Variants in CNTNAP2 observed in about 807,000 individuals in gnomAD.
CNTNAP2 encodes the protein contactin-associated protein-like 2.
A neutral mutation model predicts 155.2 loss-of-function variants in CNTNAP2; 98 were observed. The ratio of observed to expected loss-of-function variants is 0.63; its 90% CI spans 0.54 to 0.75. The LOEUF is 0.75. Among genes scored for constraint, CNTNAP2 ranks in the 30% least tolerant of loss-of-function variants. CNTNAP2 has a pLI of 0.00. For missense variants in CNTNAP2, 1,727 were observed against 1,688.1 expected (o/e 1.02, Z -0.40); for synonymous variants, 651 against 631.2 (o/e 1.03, Z -0.47).
chr7:147,127,171 C>G (rs1280652134), intron 6 of CNTNAP2, among the ~76,000 whole-genome samples: 1 of 152,078 alleles, frequency 6.6e-6, no homozygotes, highest in Non-Finnish European at 1.5e-5. Context: ...TAGGTAGTAC[C>G]TAATATGTTC....
chr7:146,142,407 C>G (rs1797894021), intron 1 of CNTNAP2, among the ~76,000 whole-genome samples: 2 of 152,130 alleles, frequency 1.3e-5, no homozygotes, highest in Non-Finnish European at 2.9e-5. Context: ...ACTTTATACA[C>G]AGGCATGATG....
At chr7:146,909,114 A>C (rs1230455984) in intron 3 of CNTNAP2, among the ~76,000 whole-genome samples, 1 of 152,190 alleles carries the variant, frequency 6.6e-6, no homozygotes, top group Non-Finnish European at 1.5e-5. Context: ...AAGAAGTTGA[A>C]TCTCTGAATA....
intron 3 of CNTNAP2, among the ~76,000 whole-genome samples, chr7:146,854,954 T>A (rs1794947963): frequency 6.6e-6 from 1 of 152,178 alleles, no homozygotes; most frequent in Non-Finnish European, 1.5e-5. Context: ...TTGCCATCTA[T>A]GTATAATTGA....
intron 15 of CNTNAP2, among the ~76,000 whole-genome samples, chr7:148,069,999 A>ATT (rs1803351171): frequency 6.6e-6 from 1 of 152,236 alleles, no homozygotes; most frequent in Non-Finnish European, 1.5e-5. Flanking sequence ...AGCTATTATC[A>ATT]TCTCCAGTTT....
intron 1 of CNTNAP2, among the ~76,000 whole-genome samples, chr7:146,618,819 C>G (rs780056497): frequency 8.6e-5 from 13 of 152,028 alleles, no homozygotes; most frequent in Non-Finnish European, 1.9e-4. Flanking sequence ...CCTGTAATCC[C>G]AGCACTTTGG....
intron 1 of CNTNAP2, among the ~76,000 whole-genome samples, chr7:146,769,358 T>A (rs1802253742): frequency 6.6e-6 from 1 of 152,230 alleles, no homozygotes; most frequent in South Asian, 2.1e-4. Context: ...TAGTATTTAA[T>A]GTCTGCAGGA....
chr7:148,181,288 T>G (rs538189669), intron 18 of CNTNAP2, among the ~76,000 whole-genome samples: 1 of 152,312 alleles, frequency 6.6e-6, no homozygotes, highest in Admixed American at 6.5e-5. Flanking sequence ...CTGTTGATTA[T>G]GTCCCTCTAG....
In CNTNAP2 at chr7:147,525,123, C is replaced by A. The variant is rs138682317; in HGVS notation, c.1778-37015C>A. Among the ~76,000 whole-genome samples, 436 of 152,258 alleles carry A rather than the reference C, an allele frequency of 2.9e-3. 1 individual carries two copies. Among genetic ancestry groups the A allele is most frequent in the African/African-American group, 9.7e-3 (401 of 41,534 alleles). On this transcript the variant is annotated intron_variant, in intron 11 of 23. Coordinates refer to ENST00000361727, the MANE Select transcript of CNTNAP2 (RefSeq NM_014141.6). ...CAGAATATCTCAAGAGACAATCTAG[C>A]CTTATTCTTAATTTTTGCTTAACAT...
At chr7:146,389,116 T>C (rs1795503188) in intron 1 of CNTNAP2, among the ~76,000 whole-genome samples, 1 of 152,150 alleles carries the variant, frequency 6.6e-6, no homozygotes, top group African/African-American at 2.4e-5. Context: ...AGTGTCTTTG[T>C]CACGTGATTA....
At chr7:147,421,140 C>A (rs1797284617) in intron 10 of CNTNAP2, among the ~76,000 whole-genome samples, 1 of 152,102 alleles carries the variant, frequency 6.6e-6, no homozygotes, top group Admixed American at 6.6e-5. Context: ...CTATTACTGT[C>A]TCATTGTTAT....
At chr7:146,558,478 A>C (rs1477976960) in intron 1 of CNTNAP2, among the ~76,000 whole-genome samples, 3 of 152,124 alleles carry the variant, frequency 2.0e-5, no homozygotes, top group Non-Finnish European at 4.4e-5. Flanking sequence ...TATCCAACTC[A>C]ACAAAGTTGG....
chr7:146,219,084 G>A (rs981625422), intron 1 of CNTNAP2, among the ~76,000 whole-genome samples: 2 of 152,134 alleles, frequency 1.3e-5, no homozygotes, highest in Admixed American at 6.5e-5. Context: ...GACCTTCTTC[G>A]CAGGGTGACA....
intron 1 of CNTNAP2, among the ~76,000 whole-genome samples, chr7:146,721,645 A>ATATACATTCTATATATATTCTC (rs1801322658): frequency 8.4e-6 from 1 of 119,166 alleles, no homozygotes; most frequent in African/African-American, 4.0e-5. Context: ...TATATATTCT[A>ATATACATTCTATATATATTCTC]TATATATTCT....
At chr7:148,112,124 G>A (rs1166232696) in intron 15 of CNTNAP2, among the ~76,000 whole-genome samples, 1 of 152,204 alleles carries the variant, frequency 6.6e-6, no homozygotes, top group Non-Finnish European at 1.5e-5. Context: ...ATGGCCTGAT[G>A]TGTGCAATGT....
chr7:146,241,686 T>C (rs1799565199), intron 1 of CNTNAP2, among the ~76,000 whole-genome samples: 1 of 152,156 alleles, frequency 6.6e-6, no homozygotes, highest in African/African-American at 2.4e-5. Flanking sequence ...TCAGATATGA[T>C]AGAGAATCAT....
intron 1 of CNTNAP2, among the ~76,000 whole-genome samples, chr7:146,630,623 A>G (rs1799495297): frequency 6.6e-6 from 1 of 152,088 alleles, no homozygotes; most frequent in South Asian, 2.1e-4. Context: ...CTGTTTCTCC[A>G]CAGCCTCAAC....
At chr7:146,974,456 A>AAAAAAT (rs1419190790) in intron 3 of CNTNAP2, among the ~76,000 whole-genome samples, 2 of 151,346 alleles carry the variant, frequency 1.3e-5, no homozygotes, top group African/African-American at 4.8e-5. Flanking sequence ...AATAAAAAAT[A>AAAAAAT]AAAAAATAAA....
chr7:147,758,429 T>TGG (rs1797249328), intron 13 of CNTNAP2, among the ~76,000 whole-genome samples: 3 of 152,214 alleles, frequency 2.0e-5, no homozygotes, highest in Admixed American at 2.0e-4. Flanking sequence ...GTTTAGTTTC[T>TGG]GATGCCCTGA....
At chr7:147,150,663 T>A (rs1801806768) in intron 8 of CNTNAP2, among the ~76,000 whole-genome samples, 1 of 152,134 alleles carries the variant, frequency 6.6e-6, no homozygotes, top group Non-Finnish European at 1.5e-5. Context: ...AACTGAAAAA[T>A]ATTGTTATAT....
Sources: allele counts gnomAD v4.1 joint callset (sites outside exome capture counted in the v4.1 genomes callset), GRCh38; gene constraint gnomAD v4.1.1; transcripts MANE v1.5; gene names NCBI Gene and HGNC (gene_info 2026-07-23, HGNC 2026-07-21).